The following UGT1A9 variants were observed in gnomAD, a reference collection of about 807,000 sequenced individuals.
The protein encoded by UGT1A9 is UDP glucuronosyltransferase family 1 member A9, also known as UDP-glucuronosyltransferase 1A9.
In UGT1A9, 35 loss-of-function variants were observed where a neutral mutation model predicts 45.0. The observed-to-expected ratio is 0.78, with a 90% CI of 0.59 to 1.03. The LOEUF (loss-of-function observed/expected upper bound fraction) is 1.03. Ranked by LOEUF, UGT1A9 falls within the 50% of genes least tolerant of loss-of-function variation. The pLI is 0.00. For synonymous variants in UGT1A9, 278 were observed against 250.6 expected, an observed-to-expected ratio of 1.11 and a Z score of -1.03; for missense variants, 687 against 666.6, an observed-to-expected ratio of 1.03 and a Z score of -0.34.
At chr2:233,748,126 T>C (rs1272435639) in intron 1 of UGT1A9, 15 of 1,610,568 alleles carry the variant, frequency 9.3e-6, no homozygotes, top group Non-Finnish European at 1.3e-5. Flanking sequence ...GCAAAACAGT[T>C]TTTAAAAATT....
At position 233,697,329 on chromosome 2, in the gene UGT1A9, T is replaced by A. The variant is rs545927444; in HGVS notation, c.855+24540T>A. Among the ~76,000 whole-genome samples the A allele has an allele frequency of 3.3e-5, 5 of 152,252 alleles. No homozygotes were observed. The East Asian group carries it at 9.6e-4, about 29-fold the overall frequency. The stretch of plus-strand genomic sequence containing the variant: ...GGTAGATTGTTTGTGTTTGGAAATG[T>A]ATCCATTTCCTCTAGGTTTTCTAAT... On this transcript the variant is annotated intron_variant, in intron 1 of 4. Transcript: ENST00000354728.
At chr2:233,763,919 C>T (rs748972276) in intron 1 of UGT1A9, among the ~76,000 whole-genome samples, 11 of 152,168 alleles carry the variant, frequency 7.2e-5, no homozygotes, top group African/African-American at 2.4e-4. Context: ...ACCAAGGCTT[C>T]GAGATGGCCA....
At chr2:233,718,068 T>A in intron 1 of UGT1A9, 1 of 348,348 alleles carries the variant, frequency 2.9e-6, no homozygotes, top group Admixed American at 3.7e-5. Flanking sequence ...CGTGGGTCCT[T>A]GCTAGGGTTG....
intron 1 of UGT1A9, among the ~76,000 whole-genome samples, chr2:233,756,964 A>T (rs1482766015): frequency 6.6e-6 from 1 of 152,056 alleles, no homozygotes; most frequent in African/African-American, 2.4e-5. Flanking sequence ...GGCACTTGGT[A>T]AGCACGCAAT....
chr2:233,765,354 C>T (rs147489068), intron 1 of UGT1A9, among the ~76,000 whole-genome samples: 102 of 152,262 alleles, frequency 6.7e-4, no homozygotes, highest in African/African-American at 2.3e-3. Context: ...ATGGAACCAA[C>T]CCAGATGCCC....
chr2:233,762,461 T>G (rs1698085001), intron 1 of UGT1A9, among the ~76,000 whole-genome samples: 1 of 152,214 alleles, frequency 6.6e-6, no homozygotes, highest in African/African-American at 2.4e-5. Flanking sequence ...TTACCGATAA[T>G]GTCATGGATA....
chr2:233,699,456 A>T (rs1190557826), intron 1 of UGT1A9, among the ~76,000 whole-genome samples: 1 of 152,192 alleles, frequency 6.6e-6, no homozygotes, highest in African/African-American at 2.4e-5. Flanking sequence ...CCTTAGAACA[A>T]AGGAGGTCAG....
Position 233,713,202 on chromosome 2 carries a change from G to T in UGT1A9, c.855+40413G>T, listed in dbSNP as rs181492639. ...CCTGGAGGTGAATATGTACATCAAA[G>T]AAGAGAACTTTTTCACCCTGACAAC... On this transcript the variant is annotated intron_variant, in intron 1 of 4. Coordinates refer to ENST00000354728, the MANE Select transcript of UGT1A9 (RefSeq NM_021027.3). The T allele has an allele frequency of 1.5e-4, 250 of 1,614,240 alleles. 3 individuals carry two copies. The East Asian group carries it at 4.8e-3, about 31-fold the overall frequency.
intron 1 of UGT1A9, among the ~76,000 whole-genome samples, chr2:233,697,374 A>G (rs1382201272): frequency 6.6e-6 from 1 of 152,066 alleles, no homozygotes; most frequent in Non-Finnish European, 1.5e-5. Context: ...TATAGAGTTC[A>G]CAATAATCGC....
At chr2:233,751,564 T>G (rs1694753266) in intron 1 of UGT1A9, among the ~76,000 whole-genome samples, 2 of 152,188 alleles carry the variant, frequency 1.3e-5, no homozygotes, top group Non-Finnish European at 2.9e-5. Context: ...CATCTCAAAT[T>G]GTAATCTCCA....
chr2:233,715,342 A>G (rs1189143165), intron 1 of UGT1A9, among the ~76,000 whole-genome samples: 2 of 150,484 alleles, frequency 1.3e-5, no homozygotes, highest in African/African-American at 2.5e-5. Context: ...TGGTGCATGT[A>G]GGTTTGAGGT....
chr2:233,702,819 G>A (rs1051674294), intron 1 of UGT1A9, among the ~76,000 whole-genome samples: 1 of 152,164 alleles, frequency 6.6e-6, no homozygotes, highest in Non-Finnish European at 1.5e-5. Flanking sequence ...CCACTTGATT[G>A]TGTTGTATAA....
intron 1 of UGT1A9, among the ~76,000 whole-genome samples, chr2:233,715,527 T>C (rs2076455988): frequency 6.6e-6 from 1 of 152,142 alleles, no homozygotes; most frequent in Admixed American, 6.5e-5. Flanking sequence ...ATTTCAGCCC[T>C]TTGGGAGACC....
In UGT1A9 at chr2:233,672,191, T is replaced by C. The variant is rs1434976538; in HGVS notation, c.257T>C (p.Leu86Pro). 1 of 1,614,232 alleles carries C rather than the reference T, an allele frequency of 6.2e-7. No individual in the cohort carries two copies. Among genetic ancestry groups the C allele is most frequent in the Non-Finnish European group, 8.5e-7 (1 of 1,180,032 alleles). Residue 86 changes from leucine to proline, a missense_variant, in exon 1 of 5, where the codon CTG (leucine) becomes CCG (proline). Coordinates refer to ENST00000354728, the MANE Select transcript of UGT1A9 (RefSeq NM_021027.3). Reference protein sequence around the residue: ...TYSTSYTLEDLDREFKAFAHA... With the variant: ...TYSTSYTLEDPDREFKAFAHA... ...TCAACTTCATATACCCTGGAGGATCTGGACCGGGAGTTCAAGGCTTTTGCC... is the reference window on the plus strand; with the variant it reads ...TCAACTTCATATACCCTGGAGGATCCGGACCGGGAGTTCAAGGCTTTTGCC...
At chr2:233,701,761 A>G (rs1268136648) in intron 1 of UGT1A9, among the ~76,000 whole-genome samples, 1 of 152,234 alleles carries the variant, frequency 6.6e-6, no homozygotes, top group African/African-American at 2.4e-5. Context: ...ACATAACGAA[A>G]TGAAGGCAGA....
At chr2:233,713,634 C>A in intron 1 of UGT1A9, 2 of 1,613,964 alleles carry the variant, frequency 1.2e-6, no homozygotes, top group South Asian at 2.2e-5. Flanking sequence ...CAAGAACATG[C>A]TCTACCCTCT....
chr2:233,707,937 C>A (rs1197713687), intron 1 of UGT1A9, among the ~76,000 whole-genome samples: 2 of 152,160 alleles, frequency 1.3e-5, no homozygotes, highest in Non-Finnish European at 2.9e-5. Flanking sequence ...ACTTATCAGT[C>A]ATTTGGATTT....
chr2:233,772,478 T>C lies in UGT1A9; in HGVS notation c.1512T>C (p.Phe504=). ...AVVLTVAFIT[F]KCCAYGYRKC... Reference sequence around the variant, plus strand: ...TGCTGACAGTGGCCTTCATCACCTTTAAATGTTGTGCTTATGGCTACCGGA... The same window carrying C: ...TGCTGACAGTGGCCTTCATCACCTTCAAATGTTGTGCTTATGGCTACCGGA... The change falls in exon 5 of 5, where the codon TTT becomes TTC. Residue 504 remains phenylalanine (F), a synonymous_variant. Transcript: ENST00000354728. 1 of 1,614,184 alleles carries C rather than the reference T, an allele frequency of 6.2e-7. No homozygotes were observed. Among genetic ancestry groups the C allele is most frequent in the South Asian group, 1.1e-5 (1 of 91,086 alleles).
chr2:233,717,804 C>A (rs147106885), intron 1 of UGT1A9: 23 of 455,884 alleles, frequency 5.0e-5, no homozygotes, highest in African/African-American at 3.8e-4. Context: ...AGTGCCCCCA[C>A]AAATTATGCA....
Sources: allele counts gnomAD v4.1 joint callset (sites outside exome capture counted in the v4.1 genomes callset), GRCh38; gene constraint gnomAD v4.1.1; transcripts MANE v1.5; gene names NCBI Gene and HGNC (gene_info 2026-07-23, HGNC 2026-07-21).